Variants in YPEL2 observed in about 807,000 individuals in gnomAD.
The protein encoded by YPEL2 is protein yippee-like 2.
A neutral mutation model predicts 19.1 loss-of-function variants in YPEL2; 2 were observed. The observed-to-expected ratio is 0.10, with a 90% CI of 0.04 to 0.33. The LOEUF (loss-of-function observed/expected upper bound fraction) is 0.33. Ranked by LOEUF, YPEL2 falls within the 10% of genes least tolerant of loss-of-function variation. The pLI, the probability that YPEL2 is intolerant of heterozygous loss-of-function variation, is 1.00. For synonymous variants in YPEL2, 52 were observed against 50.0 expected (o/e 1.04, Z -0.17); for missense variants, 66 against 140.7 (o/e 0.47, Z 2.68).
intron 2 of YPEL2, among the ~76,000 whole-genome samples, chr17:59,361,521 C>T (rs1207731001): frequency 6.6e-6 from 1 of 152,144 alleles, no homozygotes; most frequent in African/African-American, 2.4e-5. Flanking sequence ...ATTGTGACAT[C>T]GTTTTTGTGT....
At position 59,372,634 on chromosome 17, in the gene YPEL2, G is replaced by T. The variant is rs544780206; in HGVS notation, c.118-15693G>T. Among the ~76,000 whole-genome samples, 8 of 152,312 alleles carry T rather than the reference G, an allele frequency of 5.3e-5. 1 individual carries two copies. In the South Asian group the frequency reaches 1.4e-3, roughly 28 times the overall value. ...CTCCCTTCAGTAAGGAAATATTTGT[G>T]CATTGAAGAGTGATAAGAATGCCCT... is the stretch of plus-strand genomic sequence containing the variant. On this transcript the variant is annotated intron_variant, in intron 2 of 4. Coordinates refer to ENST00000312655, the MANE Select transcript of YPEL2 (RefSeq NM_001005404.4).
At chr17:59,343,900 A>G (rs2047743493) in intron 1 of YPEL2, among the ~76,000 whole-genome samples, 1 of 152,184 alleles carries the variant, frequency 6.6e-6, no homozygotes, top group African/African-American at 2.4e-5. Flanking sequence ...GTAGTCCAGG[A>G]TGAGAGAAGA....
chr17:59,363,232 TC>T (rs1424408112), intron 2 of YPEL2: 1 of 151,974 alleles, frequency 6.6e-6, no homozygotes, highest in African/African-American at 2.4e-5. Context: ...CAAGCAGACT[TC>T]CCACCTCAGC....
intron 4 of YPEL2, among the ~76,000 whole-genome samples, chr17:59,393,680 C>T (rs1174562055): frequency 1.4e-5 from 2 of 147,218 alleles, no homozygotes; most frequent in South Asian, 4.4e-4. Flanking sequence ...GTGTTTGTGT[C>T]CCTGGGTACT....
rs147380189 is a variant in YPEL2 at position 59,337,107 on chromosome 17, A to G, written c.-196+5283A>G. On this transcript the variant is annotated intron_variant, in intron 1 of 4. Transcript: ENST00000312655. ...TAGCTTTATATAACTTGTTACTGTA[A>G]TTCTTATAAGGGTTTATATTGTTGA... is the stretch of plus-strand genomic sequence containing the variant. Among the ~76,000 whole-genome samples, 454 of 152,116 alleles carry G rather than the reference A, an allele frequency of 3.0e-3. 1 individual carries two copies. The highest frequency in any genetic ancestry group is 0.01 in the African/African-American group (431 of 41,498).
intron 4 of YPEL2, among the ~76,000 whole-genome samples, chr17:59,394,934 C>A (rs1043481310): frequency 6.6e-6 from 1 of 152,198 alleles, no homozygotes; most frequent in Admixed American, 6.5e-5. Context: ...CAAATAAATA[C>A]GAAAACCAGT....
chr17:59,354,878 A>G (rs755913666), intron 2 of YPEL2: 1 of 152,040 alleles, frequency 6.6e-6, no homozygotes, highest in Non-Finnish European at 1.5e-5. Context: ...GGAAGTTTGA[A>G]TGTGTGGAGG....
chr17:59,383,878 T>C (rs1344614419), intron 2 of YPEL2, among the ~76,000 whole-genome samples: 1 of 151,988 alleles, frequency 6.6e-6, no homozygotes, highest in Non-Finnish European at 1.5e-5. Context: ...TACAGAGTAG[T>C]AGTATATGGA....
chr17:59,338,443 G>C (rs1228632160), intron 1 of YPEL2, among the ~76,000 whole-genome samples: 1 of 152,212 alleles, frequency 6.6e-6, no homozygotes, highest in African/African-American at 2.4e-5. Flanking sequence ...AGTACCTGAG[G>C]CAAATAAGTG....
At chr17:59,380,798 T>G (rs2047945338) in intron 2 of YPEL2, among the ~76,000 whole-genome samples, 1 of 152,194 alleles carries the variant, frequency 6.6e-6, no homozygotes, top group Non-Finnish European at 1.5e-5. Flanking sequence ...CCAGGTGCTT[T>G]AAAAGCGGTG....
At chr17:59,382,821 TC>T (rs2047956500) in intron 2 of YPEL2, among the ~76,000 whole-genome samples, 1 of 152,196 alleles carries the variant, frequency 6.6e-6, no homozygotes, top group Non-Finnish European at 1.5e-5. Context: ...TTGGGTTTTT[TC>T]TGTAGAGATG....
chr17:59,343,744 T>C (rs1332306029), intron 1 of YPEL2, among the ~76,000 whole-genome samples: 1 of 152,180 alleles, frequency 6.6e-6, no homozygotes, highest in Admixed American at 6.5e-5. Context: ...CCTGAAGGGT[T>C]GGACCACATC....
intron 2 of YPEL2, among the ~76,000 whole-genome samples, chr17:59,363,544 C>CCTTTTGGGT (rs1165249388): frequency 1.3e-5 from 2 of 152,036 alleles, no homozygotes; most frequent in African/African-American, 2.4e-5. Flanking sequence ...CTGACCTGAC[C>CCTTTTGGGT]TCAAGTGATC....
In YPEL2 at chr17:59,400,548, C is replaced by G. The variant is rs183082274; in HGVS notation, c.*3358C>G. 18 of 151,828 alleles carry G rather than the reference C, an allele frequency of 1.2e-4. No homozygotes were observed. The highest frequency in any genetic ancestry group is 4.4e-4 in the African/African-American group (18 of 41,194). The allele number at this position is 151,828 out of a possible 1,614,324, so 9.4% of individuals were successfully genotyped here. On this transcript the variant is annotated 3_prime_UTR_variant, in exon 5 of 5. Coordinates refer to ENST00000312655, the MANE Select transcript of YPEL2 (RefSeq NM_001005404.4). ...GGATCAAGGCTTTGAAGCAATGCCTCTCTGCATTTTTTCCCCAGTGGAACA... is the reference window on the plus strand; with the variant it reads ...GGATCAAGGCTTTGAAGCAATGCCTGTCTGCATTTTTTCCCCAGTGGAACA...
At chr17:59,357,910 G>C (rs1321153037) in intron 2 of YPEL2, among the ~76,000 whole-genome samples, 1 of 152,122 alleles carries the variant, frequency 6.6e-6, no homozygotes, top group Non-Finnish European at 1.5e-5. Flanking sequence ...GGAGTGGTAG[G>C]GTGCTGTAGA....
chr17:59,334,159 G>A (rs1185394427), intron 1 of YPEL2, among the ~76,000 whole-genome samples: 1 of 152,122 alleles, frequency 6.6e-6, no homozygotes, highest in Non-Finnish European at 1.5e-5. Flanking sequence ...AGGTGTGTGG[G>A]GGTTGGAGAT....
In YPEL2 at chr17:59,353,897, A is replaced by C. The variant is rs1267287614; in HGVS notation, c.117+371A>C. The C allele has an allele frequency of 3.1e-6, 1 of 319,644 alleles. No homozygotes were observed. Among genetic ancestry groups the C allele is most frequent in the East Asian group, 8.7e-5 (1 of 11,502 alleles). The allele number at this position is 319,644 out of a possible 1,614,324, so 19.8% of individuals were successfully genotyped here. ...AAGGTGAATTCTGATAAAGCAGGGG[A>C]ATGTCTTGTAAGAGGGGTTCCTTAG... On this transcript the variant is annotated intron_variant, in intron 2 of 4. Coordinates refer to ENST00000312655, the MANE Select transcript of YPEL2 (RefSeq NM_001005404.4). This position sits in a 1 kb window ranked among gnomAD's most constrained non-coding sequence, Gnocchi z 4.8.
intron 2 of YPEL2, among the ~76,000 whole-genome samples, chr17:59,385,750 A>T (rs1170739402): frequency 6.6e-6 from 1 of 152,228 alleles, no homozygotes; most frequent in Non-Finnish European, 1.5e-5. Context: ...GTATATACAG[A>T]TATCAAAACT....
intron 1 of YPEL2, among the ~76,000 whole-genome samples, chr17:59,342,279 A>C (rs1168320735): frequency 6.6e-6 from 1 of 152,228 alleles, no homozygotes; most frequent in Non-Finnish European, 1.5e-5. Flanking sequence ...CCCAAAGTCT[A>C]CAACACATTC....
Sources: allele counts gnomAD v4.1 joint callset (sites outside exome capture counted in the v4.1 genomes callset), GRCh38; gene constraint gnomAD v4.1.1; non-coding constraint Gnocchi (gnomAD v3.1); transcripts MANE v1.5; gene names NCBI Gene and HGNC (gene_info 2026-07-23, HGNC 2026-07-21).